The following GALNT7 variants were observed in gnomAD, a reference collection of about 807,000 sequenced individuals.
GALNT7 encodes the protein N-acetylgalactosaminyltransferase 7.
In GALNT7, 60 loss-of-function variants were observed where a neutral mutation model predicts 82.1. The observed-to-expected ratio is 0.73, with a 90% CI of 0.59 to 0.91. The LOEUF (loss-of-function observed/expected upper bound fraction) is 0.91. Among genes scored for constraint, GALNT7 ranks in the 40% least tolerant of loss-of-function variants. The probability of loss-of-function intolerance (pLI) is 0.00; values close to 1 mark genes in which losing one functional copy is unlikely to be tolerated. For missense variants in GALNT7, 660 were observed against 804.2 expected (o/e 0.82, Z 2.17); for synonymous variants, 243 against 275.1 (o/e 0.88, Z 1.15).
At chr4:173,202,300 A>G (rs771788151) in intron 1 of GALNT7, among the ~76,000 whole-genome samples, 1 of 152,198 alleles carries the variant, frequency 6.6e-6, no homozygotes, top group Non-Finnish European at 1.5e-5. Context: ...AAAGAGAAGT[A>G]CAAATTATTG....
intron 2 of GALNT7, among the ~76,000 whole-genome samples, chr4:173,258,807 G>T (rs1735140133): frequency 1.3e-5 from 2 of 152,216 alleles, no homozygotes; most frequent in African/African-American, 2.4e-5. Flanking sequence ...CCAAGAGGTT[G>T]TGTTCCAGTT....
chr4:173,298,131 C>T lies in GALNT7; in HGVS notation c.982C>T (p.Pro328Ser). Residue 328 changes from proline (P) to serine (S), a missense_variant, in exon 6 of 12, where the codon CCG becomes TCG. Transcript: ENST00000265000. ...ACAATACAGAACCATTTGCACTGTGCCGCTTATAGATGTCATAAATGGCAA... is the reference window on the plus strand; with the variant it reads ...ACAATACAGAACCATTTGCACTGTGTCGCTTATAGATGTCATAAATGGCAA... ...ISKDRTICTV[P>S]LIDVINGNTY... is the part of the protein sequence containing the mutation. 1 of 1,613,968 alleles carries T rather than the reference C, an allele frequency of 6.2e-7. No individual in the cohort carries two copies. The highest frequency in any genetic ancestry group is 8.5e-7 in the Non-Finnish European group (1 of 1,179,936).
chr4:173,248,366 A>G lies in GALNT7; in HGVS notation c.513A>G (p.Lys171=). 1 of 1,613,914 alleles carries G rather than the reference A, an allele frequency of 6.2e-7. No individual in the cohort carries two copies. The highest frequency in any genetic ancestry group is 8.5e-7 in the Non-Finnish European group (1 of 1,179,832). The change falls in exon 2 of 12, where the codon AAA becomes AAG. Residue 171 remains lysine (K), a synonymous_variant. Coordinates refer to ENST00000265000, the MANE Select transcript of GALNT7 (RefSeq NM_017423.3). ...EFKQAIQASI[K]EFGFNMVASD... ...AACAAGCAATTCAAGCCAGCATTAA[A>G]GAGTTTGGATTTAACATGGTGGCAA...
At chr4:173,180,331 T>TTA (rs1554019887) in intron 1 of GALNT7, among the ~76,000 whole-genome samples, 1 of 147,878 alleles carries the variant, frequency 6.8e-6, no homozygotes, top group Non-Finnish European at 1.5e-5. Flanking sequence ...AGTTCCTTTT[T>TTA]TTTTTTTTTT....
intron 5 of GALNT7, 103 bp downstream of exon 5, chr4:173,295,946 C>T: frequency 1.5e-5 from 11 of 749,048 alleles, no homozygotes; most frequent in South Asian, 1.0e-4. Flanking sequence ...TTCAGTGCAT[C>T]GAGTGTGCTT....
At chr4:173,283,301 T>C (rs1736182744) in intron 2 of GALNT7, among the ~76,000 whole-genome samples, 1 of 152,202 alleles carries the variant, frequency 6.6e-6, no homozygotes, top group Non-Finnish European at 1.5e-5. Context: ...ATAGGCCTTT[T>C]AGATTGGCTT....
chr4:173,307,251 G>T (rs73872550), intron 8 of GALNT7, among the ~76,000 whole-genome samples: 5,134 of 152,346 alleles, frequency 0.034, 283 homozygotes, highest in African/African-American at 0.12. Flanking sequence ...AGAGTGGCTG[G>T]GGAGCTGAGG....
At chr4:173,198,171 C>T (rs992004507) in intron 1 of GALNT7, among the ~76,000 whole-genome samples, 87 of 151,900 alleles carry the variant, frequency 5.7e-4, no homozygotes, top group East Asian at 5.8e-4. Context: ...GCCATTCTCC[C>T]GCCTCAGCCT....
chr4:173,208,028 T>G (rs1455585048), intron 1 of GALNT7, among the ~76,000 whole-genome samples: 1 of 152,206 alleles, frequency 6.6e-6, no homozygotes. Context: ...TTTTCCTGTT[T>G]TTTACCATTG....
chr4:173,308,507 C>T (rs958345738), intron 8 of GALNT7, among the ~76,000 whole-genome samples: 3 of 151,940 alleles, frequency 2.0e-5, no homozygotes, highest in Non-Finnish European at 4.4e-5. Flanking sequence ...ACAGTGCTTA[C>T]AAAAGATTAA....
intron 2 of GALNT7, among the ~76,000 whole-genome samples, chr4:173,280,779 A>C (rs528021673): frequency 6.6e-6 from 1 of 152,244 alleles, no homozygotes; most frequent in Non-Finnish European, 1.5e-5. Flanking sequence ...GGAATGATGC[A>C]GAATAGGGGG....
intron 1 of GALNT7, among the ~76,000 whole-genome samples, chr4:173,199,250 G>A (rs1732870693): frequency 6.6e-6 from 1 of 152,186 alleles, no homozygotes; most frequent in Non-Finnish European, 1.5e-5. Context: ...AAGTTGCATG[G>A]TGGAGGTAGC....
chr4:173,192,956 T>C (rs1732669106), intron 1 of GALNT7, among the ~76,000 whole-genome samples: 1 of 152,156 alleles, frequency 6.6e-6, no homozygotes, highest in East Asian at 1.9e-4. Context: ...AGTTGGTTGG[T>C]AGGCATAGTA....
intron 1 of GALNT7, among the ~76,000 whole-genome samples, chr4:173,216,132 A>G (rs545612989): frequency 1.3e-4 from 20 of 152,272 alleles, no homozygotes; most frequent in Admixed American, 3.3e-4. Flanking sequence ...AAAGCCCACA[A>G]GCTGGCTTTA....
At chr4:173,317,576 A>C in intron 9 of GALNT7, 58 bp from the exon 10 acceptor site, 1 of 1,005,190 alleles carries the variant, frequency 9.9e-7, no homozygotes, top group Non-Finnish European at 1.6e-6. Context: ...TTCTGATGCC[A>C]GAGTTCATCA....
At chr4:173,289,743 G>T (rs1736467585) in intron 2 of GALNT7, among the ~76,000 whole-genome samples, 1 of 152,152 alleles carries the variant, frequency 6.6e-6, no homozygotes, top group Non-Finnish European at 1.5e-5. Context: ...ACTAATTATG[G>T]AAAGAACAAA....
intron 1 of GALNT7, among the ~76,000 whole-genome samples, chr4:173,174,055 G>A (rs1731959241): frequency 6.6e-6 from 1 of 152,192 alleles, no homozygotes; most frequent in Admixed American, 6.5e-5. Context: ...CTTAGTGAAA[G>A]TGTAGTGTCT....
intron 11 of GALNT7, 30 bp from the exon 12 acceptor site, chr4:173,321,550 T>G (rs770126522): frequency 6.3e-7 from 1 of 1,586,474 alleles, no homozygotes; most frequent in African/African-American, 1.3e-5. Flanking sequence ...GGGTCCAAAT[T>G]TGAAACTTTT....
intron 1 of GALNT7, among the ~76,000 whole-genome samples, chr4:173,224,037 G>T (rs970357225): frequency 6.6e-6 from 1 of 152,080 alleles, no homozygotes; most frequent in Non-Finnish European, 1.5e-5. Context: ...AACGTGTCTG[G>T]ATGGTAGTTT....
Sources: gnomAD v4.1 joint callset for allele counts (sites outside exome capture counted in the v4.1 genomes callset) on GRCh38, gnomAD v4.1.1 for gene constraint, MANE v1.5 for transcripts, NCBI Gene and HGNC (gene_info 2026-07-23, HGNC 2026-07-21) for gene names.